The following SYNPO2 variants were observed in gnomAD, a reference collection of about 807,000 sequenced individuals.
The protein encoded by SYNPO2 is synaptopodin-2.
In SYNPO2, 56 loss-of-function variants were observed where a neutral mutation model predicts 85.0. The ratio of observed to expected loss-of-function variants is 0.66; its 90% CI spans 0.53 to 0.82. SYNPO2 has a LOEUF of 0.82. SYNPO2 is among the 40% of genes least tolerant of loss of function. The pLI, the probability that SYNPO2 is intolerant of heterozygous loss-of-function variation, is 0.00. For missense variants in SYNPO2, 1,575 were observed against 1,534.2 expected (o/e 1.03, Z -0.44); for synonymous variants, 602 against 591.1 (o/e 1.02, Z -0.27).
Position 118,977,710 on chromosome 4 carries a change from C to T in SYNPO2, c.106-45720C>T, listed in dbSNP as rs191766840. 9.8e-5 allele frequency among the ~76,000 whole-genome samples: 15 copies of T among 152,338 alleles called. No individual in the cohort carries two copies. In the East Asian group the frequency reaches 2.7e-3, roughly 27 times the overall value. ...AAATCAGACATGTCTGGATCATAAT[C>T]CTACCTTGTCTGTGGAGCATCAACT... On this transcript the variant is annotated intron_variant, in intron 1 of 4. Transcript: ENST00000307142.
chr4:118,969,722 A>G (rs1012194187), intron 1 of SYNPO2, among the ~76,000 whole-genome samples: 1 of 151,838 alleles, frequency 6.6e-6, no homozygotes, highest in Non-Finnish European at 1.5e-5. Context: ...TCTTTCTATA[A>G]GGTCACTAAT....
chr4:119,001,720 T>C (rs1736829937), intron 1 of SYNPO2, among the ~76,000 whole-genome samples: 1 of 152,220 alleles, frequency 6.6e-6, no homozygotes, highest in African/African-American at 2.4e-5. Flanking sequence ...AAACCATCAA[T>C]TTTAGATTTC....
chr4:118,874,929 G>A (rs190321028), intron 1 of SYNPO2, among the ~76,000 whole-genome samples: 26 of 152,202 alleles, frequency 1.7e-4, no homozygotes, highest in Non-Finnish European at 1.5e-4. Flanking sequence ...ATATGTAAAC[G>A]TGTGCCATGG....
intron 1 of SYNPO2, among the ~76,000 whole-genome samples, chr4:118,863,897 G>A (rs1337686054): frequency 6.6e-6 from 1 of 152,158 alleles, no homozygotes; most frequent in East Asian, 1.9e-4. Context: ...ATGAGCCACT[G>A]TGCCCATCTT....
intron 1 of SYNPO2, among the ~76,000 whole-genome samples, chr4:118,876,749 GTCTC>G (rs1010270885): frequency 4.2e-5 from 5 of 118,596 alleles, no homozygotes; most frequent in East Asian, 2.5e-4. Flanking sequence ...GCCTTTCTCT[GTCTC>G]TCTCTCTCTT....
At chr4:118,989,202 A>G (rs1350420723) in intron 1 of SYNPO2, among the ~76,000 whole-genome samples, 3 of 152,210 alleles carry the variant, frequency 2.0e-5, no homozygotes, top group African/African-American at 7.2e-5. Context: ...TGCCCTTGCC[A>G]GAAGACCCTG....
chr4:119,053,788 C>A (rs1434169078), intron 4 of SYNPO2, among the ~76,000 whole-genome samples: 1 of 152,110 alleles, frequency 6.6e-6, no homozygotes, highest in Non-Finnish European at 1.5e-5. Context: ...TTTTGGATGT[C>A]TTATCACTGC....
intron 1 of SYNPO2, among the ~76,000 whole-genome samples, chr4:118,992,669 C>T (rs948839372): frequency 4.6e-5 from 7 of 152,016 alleles, no homozygotes; most frequent in Non-Finnish European, 1.0e-4. Context: ...ACTCCTCTCA[C>T]CATCCCTGAG....
chr4:118,909,840 G>C (rs907912579), intron 1 of SYNPO2, among the ~76,000 whole-genome samples: 1 of 152,154 alleles, frequency 6.6e-6, no homozygotes, highest in Non-Finnish European at 1.5e-5. Context: ...TCTGACTCTT[G>C]ACAGAAGTTG....
At chr4:118,925,888 C>T (rs1380924520) in intron 1 of SYNPO2, among the ~76,000 whole-genome samples, 5 of 152,068 alleles carry the variant, frequency 3.3e-5, no homozygotes, top group African/African-American at 4.8e-5. Context: ...ATTCCCCAAC[C>T]TTGACATTTC....
intron 1 of SYNPO2, among the ~76,000 whole-genome samples, chr4:118,941,770 G>A (rs913900598): frequency 6.6e-6 from 1 of 152,210 alleles, no homozygotes; most frequent in African/African-American, 2.4e-5. Flanking sequence ...TTCCCGAAAG[G>A]AGGAGGCAGC....
At chr4:118,899,013 G>A (rs1477873380) in intron 1 of SYNPO2, among the ~76,000 whole-genome samples, 1 of 152,164 alleles carries the variant, frequency 6.6e-6, no homozygotes, top group Non-Finnish European at 1.5e-5. Context: ...TGACTCAATT[G>A]TCTAGTCGGA....
intron 4 of SYNPO2, among the ~76,000 whole-genome samples, chr4:119,050,638 G>A (rs926523123): frequency 6.6e-6 from 1 of 152,148 alleles, no homozygotes; most frequent in Non-Finnish European, 1.5e-5. Context: ...ATTTTTAAAG[G>A]CAGAGGTAGA....
chr4:119,050,764 T>C (rs1421619708), intron 4 of SYNPO2, among the ~76,000 whole-genome samples: 1 of 152,144 alleles, frequency 6.6e-6, no homozygotes, highest in African/African-American at 2.4e-5. Context: ...TGGCGTGTGC[T>C]CTCGTGGGTT....
At chr4:118,966,577 C>G (rs1735325045) in intron 1 of SYNPO2, among the ~76,000 whole-genome samples, 1 of 152,004 alleles carries the variant, frequency 6.6e-6, no homozygotes, top group Non-Finnish European at 1.5e-5. Flanking sequence ...GGATTGGACC[C>G]CAGGGCTGCT....
Position 119,057,644 on chromosome 4 carries a change from A to G in SYNPO2, c.3496A>G (p.Arg1166Gly). The G allele has an allele frequency of 6.2e-7, 1 of 1,614,154 alleles. No individual in the cohort carries two copies. The highest frequency in any genetic ancestry group is 8.5e-7 in the Non-Finnish European group (1 of 1,180,028). ...IVANVVSAARRKVLPGPPEDW... is the reference protein window; with the variant it reads ...IVANVVSAARGKVLPGPPEDW... ...GGCAAATGTGGTTTCAGCAGCTCGGAGGAAGGTGCTTCCAGGGCCTCCAGA... is the reference window on the plus strand; with the variant it reads ...GGCAAATGTGGTTTCAGCAGCTCGGGGGAAGGTGCTTCCAGGGCCTCCAGA... The change falls in exon 5 of 5, where the codon AGG becomes GGG. Residue 1166 changes from arginine (R) to glycine (G), a missense_variant. Physicochemically the swap from Arg to Gly is moderately radical, Grantham distance 125. Around this residue, in one of 3 missense-constraint regions of SYNPO2, gnomAD observed 1,508 missense variants for 1,446.8 expected, o/e 1.04. Transcript: ENST00000307142.
chr4:118,895,259 G>C (rs1275452389), intron 1 of SYNPO2, among the ~76,000 whole-genome samples: 2 of 152,126 alleles, frequency 1.3e-5, no homozygotes. Flanking sequence ...TGTGGCTCCA[G>C]GGTGTGGCAT....
chr4:118,955,959 T>C (rs1011260819), intron 1 of SYNPO2, among the ~76,000 whole-genome samples: 11 of 152,054 alleles, frequency 7.2e-5, no homozygotes, highest in Non-Finnish European at 1.6e-4. Flanking sequence ...AGATATGTGT[T>C]AAATAAATAA....
chr4:119,035,983 T>A lies in SYNPO2; in HGVS notation c.3252+3956T>A, dbSNP rs148460396. On this transcript the variant is annotated intron_variant, in intron 4 of 4. Transcript: ENST00000307142. Reference sequence around the variant, plus strand: ...GTGGCTCTTTCACAGTAAACCCTCCTAAGAGCAGAAGACACATGGCTGTTA... The same window carrying A: ...GTGGCTCTTTCACAGTAAACCCTCCAAAGAGCAGAAGACACATGGCTGTTA... The A allele has an allele frequency of 4.9e-4, 481 of 985,410 alleles. 10 individuals are homozygous for A. In the East Asian group the frequency reaches 0.039, roughly 79 times the overall value. The allele number at this position is 985,410 out of a possible 1,614,324, so 61.0% of individuals were successfully genotyped here.
Sources: allele counts gnomAD v4.1 joint callset (sites outside exome capture counted in the v4.1 genomes callset), GRCh38; gene constraint gnomAD v4.1.1; regional missense constraint gnomAD v4.1.1; transcripts MANE v1.5; gene names NCBI Gene and HGNC (gene_info 2026-07-23, HGNC 2026-07-21).